The following TENM1 variants were observed in gnomAD, a reference collection of about 807,000 sequenced individuals.
TENM1 encodes teneurin-1.
A neutral mutation model predicts 174.8 loss-of-function variants in TENM1; 35 were observed. The observed-to-expected ratio is 0.20, with a 90% CI of 0.15 to 0.27. TENM1 has a LOEUF of 0.27. TENM1 is among the 10% of genes least tolerant of loss of function. The pLI is 1.00. For synonymous variants in TENM1, 781 were observed against 798.7 expected (o/e 0.98, Z 0.37); for missense variants, 1,633 against 2,130.1 (o/e 0.77, Z 4.59).
chrX:124,557,750 C>T (rs951416649), intron 14 of TENM1, among the ~76,000 whole-genome samples: 1 of 111,744 alleles, frequency 8.9e-6, no homozygotes, highest in African/African-American at 3.3e-5. Context: ...ATTATCATAG[C>T]TTTCAAATAT....
intron 18 of TENM1, among the ~76,000 whole-genome samples, chrX:124,517,074 C>G (rs948803582): frequency 1.6e-4 from 18 of 111,117 alleles, no homozygotes; most frequent in Admixed American, 4.8e-4. Context: ...CGCATGTTCT[C>G]TCTTATAAGT....
chrX:124,494,495 T>TTTTA (rs375546724), intron 20 of TENM1, among the ~76,000 whole-genome samples: 8,334 of 108,129 alleles, frequency 0.077, 410 homozygotes, highest in African/African-American at 0.17. Context: ...TTCCCTTTTC[T>TTTTA]TTTATTTATT....
the TENM1 span, among the ~76,000 whole-genome samples, chrX:125,066,601 C>A: frequency 9.0e-6 from 1 of 111,425 alleles, no homozygotes; most frequent in Non-Finnish European, 1.9e-5. Flanking sequence ...TTGAAATGGT[C>A]TCTAATGTCA....
At chrX:125,052,604 C>A in the TENM1 span, among the ~76,000 whole-genome samples, 3 of 111,583 alleles carry the variant, frequency 2.7e-5, no homozygotes, top group Non-Finnish European at 5.7e-5. Context: ...GATTTCCCAA[C>A]CCCTTTAAAG....
At chrX:125,078,224 T>C in the TENM1 span, among the ~76,000 whole-genome samples, 1 of 111,851 alleles carries the variant, frequency 8.9e-6, no homozygotes, top group African/African-American at 3.2e-5. Context: ...TCTGCACAAA[T>C]ATGGGTTATG....
At chrX:124,521,684 A>G (rs2047853368) in intron 17 of TENM1, among the ~76,000 whole-genome samples, 1 of 112,482 alleles carries the variant, frequency 8.9e-6, no homozygotes, top group Admixed American at 9.4e-5. Flanking sequence ...AGCCCATCCT[A>G]TTCAATACAC....
chrX:124,467,197 T>A (rs1205331552), intron 22 of TENM1, among the ~76,000 whole-genome samples: 1 of 111,624 alleles, frequency 9.0e-6, no homozygotes, highest in African/African-American at 3.3e-5. Context: ...AAAAATCAAA[T>A]GGAATAGCTA....
chrX:124,851,104 G>C (rs779223055), intron 3 of TENM1, among the ~76,000 whole-genome samples: 1 of 111,564 alleles, frequency 9.0e-6, no homozygotes, highest in East Asian at 2.8e-4. Context: ...TCAACAAAAC[G>C]ATCTCTGTGA....
rs141390284 is a variant in TENM1, at chrX:124,683,706, A to G, written c.1016-11871T>C. Among the ~76,000 whole-genome samples the G allele has an allele frequency of 2.9e-3, 329 of 112,227 alleles. 2 individuals carry two copies. The highest frequency in any genetic ancestry group is 9.8e-3 in the African/African-American group (304 of 30,977). ...ACAATCTTTTCTCTTGTCTACTTCA[A>G]TCTTCTTAGCATTTTTGTCAAAATG... On this transcript the variant is annotated intron_variant, in intron 5 of 31. Transcript: ENST00000422452.
chrX:125,003,829 A>G, the TENM1 span, among the ~76,000 whole-genome samples: 3 of 111,540 alleles, frequency 2.7e-5, no homozygotes, highest in African/African-American at 9.8e-5. Flanking sequence ...CATCTGCACA[A>G]TGAAAACTTC....
chrX:125,022,763 T>C, the TENM1 span, among the ~76,000 whole-genome samples: 5 of 111,799 alleles, frequency 4.5e-5, no homozygotes, highest in African/African-American at 1.6e-4. Flanking sequence ...GTATGAGCTG[T>C]TGCACAATTG....
intron 3 of TENM1, among the ~76,000 whole-genome samples, chrX:124,848,396 A>G (rs1207883903): frequency 9.0e-6 from 1 of 111,022 alleles, no homozygotes; most frequent in Non-Finnish European, 1.9e-5. Flanking sequence ...TGCACCTCCT[A>G]TCACGTTCCT....
At chrX:125,020,078 A>G in the TENM1 span, among the ~76,000 whole-genome samples, 1 of 110,813 alleles carries the variant, frequency 9.0e-6, no homozygotes, top group Non-Finnish European at 1.9e-5. Flanking sequence ...TTCAGGTCTC[A>G]GCTCAAAAGC....
At chrX:124,534,180 T>C (rs1222427121) in intron 15 of TENM1, among the ~76,000 whole-genome samples, 3 of 112,259 alleles carry the variant, frequency 2.7e-5, no homozygotes, top group Non-Finnish European at 3.8e-5. Flanking sequence ...TCTAGGTGTT[T>C]GGAGCTTGGT....
chrX:124,944,527 A>G (rs1465636834), intron 1 of TENM1, among the ~76,000 whole-genome samples: 4 of 111,257 alleles, frequency 3.6e-5, no homozygotes, highest in Admixed American at 1.9e-4. Context: ...CAACAACAAC[A>G]CTAATAATAA....
the TENM1 span, among the ~76,000 whole-genome samples, chrX:124,999,937 T>C: frequency 3.6e-5 from 4 of 111,671 alleles, no homozygotes; most frequent in African/African-American, 1.3e-4. Context: ...TTCAAACAGA[T>C]GAGCAGATTT....
At chrX:124,875,834 T>C (rs2147495148) in intron 3 of TENM1, among the ~76,000 whole-genome samples, 1 of 95,474 alleles carries the variant, frequency 1.0e-5, no homozygotes, top group South Asian at 5.2e-4. Context: ...CATGATCTCA[T>C]GACTGTACTC....
At chrX:124,427,761 A>G (rs1283564942) in intron 23 of TENM1, among the ~76,000 whole-genome samples, 2 of 111,949 alleles carry the variant, frequency 1.8e-5, no homozygotes, top group Non-Finnish European at 3.8e-5. Flanking sequence ...CTACCAAGAC[A>G]TTTTCATAAC....
intron 23 of TENM1, among the ~76,000 whole-genome samples, chrX:124,425,151 G>C (rs763185609): frequency 7.1e-5 from 8 of 112,073 alleles, no homozygotes; most frequent in Non-Finnish European, 1.1e-4. Flanking sequence ...TCTGTCGATA[G>C]ACACTTAGGT....
Sources: gnomAD v4.1 joint callset for allele counts (sites outside exome capture counted in the v4.1 genomes callset) on GRCh38, gnomAD v4.1.1 for gene constraint, MANE v1.5 for transcripts, NCBI Gene and HGNC (gene_info 2026-07-23, HGNC 2026-07-21) for gene names.